The following CELF2 variants were observed in gnomAD, a reference collection of about 807,000 sequenced individuals.
CELF2 encodes the protein CUGBP Elav-like family member 2, also known as CUG triplet repeat RNA-binding protein 2.
CELF2 carries 8 observed loss-of-function variants against 62.6 expected under a neutral mutation model. The ratio of observed to expected loss-of-function variants is 0.13; its 90% CI spans 0.07 to 0.23. The LOEUF is 0.23. CELF2 is among the 10% of genes least tolerant of loss of function. The pLI, the probability that CELF2 is intolerant of heterozygous loss-of-function variation, is 1.00. For missense variants in CELF2, 333 were observed against 671.0 expected (o/e 0.50, Z 5.56); for synonymous variants, 258 against 250.0 (o/e 1.03, Z -0.30).
chr10:11,154,032 A>G (rs1260820817), intron 1 of CELF2, among the ~76,000 whole-genome samples: 1 of 152,196 alleles, frequency 6.6e-6, no homozygotes, highest in Admixed American at 6.5e-5. Context: ...AGATATATAA[A>G]CACATGATCA....
At chr10:10,721,758 C>T in the CELF2 span, among the ~76,000 whole-genome samples, 3 of 152,120 alleles carry the variant, frequency 2.0e-5, no homozygotes, top group Non-Finnish European at 4.4e-5. Flanking sequence ...TCAGTTACAG[C>T]ACATTGGGGG....
intron 3 of CELF2, among the ~76,000 whole-genome samples, chr10:11,240,086 C>T (rs2073250761): frequency 1.3e-5 from 2 of 152,076 alleles, no homozygotes; most frequent in Non-Finnish European, 2.9e-5. Flanking sequence ...CTATGTTAAT[C>T]GTGATATGTA....
the CELF2 span, among the ~76,000 whole-genome samples, chr10:10,718,468 AC>A: frequency 2.0e-5 from 3 of 151,970 alleles, no homozygotes; most frequent in African/African-American, 7.3e-5. Context: ...TACTAAAAAT[AC>A]AAAAATTAGC....
rs541879676 is a variant in CELF2 at position 11,318,937 on chromosome 10, T to C, written c.1097-2252T>C. 1 of 471,092 alleles carries C rather than the reference T, an allele frequency of 2.1e-6. No individual in the cohort carries two copies. The highest frequency in any genetic ancestry group is 4.4e-6 in the Non-Finnish European group (1 of 227,038). The allele number at this position is 471,092 out of a possible 1,614,324, so 29.2% of individuals were successfully genotyped here. On this transcript the variant is annotated intron_variant, in intron 10 of 12. Transcript: ENST00000633077. The surrounding 1 kb of genome is among the most constrained non-coding windows in gnomAD (Gnocchi z 5.4). ...ACTCCCACCCGCAGCAGACAAGGCA[T>C]CATGGTGGTGCGATGCTGCCCACCC...
intron 2 of CELF2, among the ~76,000 whole-genome samples, chr10:11,216,073 C>T (rs2063291044): frequency 1.3e-5 from 2 of 152,208 alleles, no homozygotes; most frequent in Non-Finnish European, 2.9e-5. Flanking sequence ...CAGTTCCCTT[C>T]ATTCAAGTGA....
intron 2 of CELF2, among the ~76,000 whole-genome samples, chr10:10,985,962 A>C (rs1453333678): frequency 6.6e-6 from 1 of 152,212 alleles, no homozygotes; most frequent in African/African-American, 2.4e-5. Context: ...AGGAAATTTG[A>C]AGACCTACTG....
Position 11,207,071 on chromosome 10 carries a change from A to G in CELF2, c.272-10354A>G, listed in dbSNP as rs2060602548. On this transcript the variant is annotated intron_variant, in intron 2 of 12. Coordinates refer to ENST00000633077, the MANE Select transcript of CELF2 (RefSeq NM_001326342.2). The surrounding 1 kb of genome is among the most constrained non-coding windows in gnomAD (Gnocchi z 4.1). ...GTGTCTTATTTCAAAGAACCAGAGAAGGGGAAAAGCACATTCCAGCAATTT... is the reference window on the plus strand; with the variant it reads ...GTGTCTTATTTCAAAGAACCAGAGAGGGGGAAAAGCACATTCCAGCAATTT... Among the ~76,000 whole-genome samples the G allele has an allele frequency of 6.6e-6, 1 of 152,256 alleles. No homozygotes were observed. Among genetic ancestry groups the G allele is most frequent in the Non-Finnish European group, 1.5e-5 (1 of 68,038 alleles).
chr10:11,130,421 C>T (rs1030908446), intron 1 of CELF2, among the ~76,000 whole-genome samples: 9 of 152,172 alleles, frequency 5.9e-5, no homozygotes, highest in African/African-American at 1.2e-4. Context: ...TCCTTGCACC[C>T]CAGGATGGAA....
the CELF2 span, among the ~76,000 whole-genome samples, chr10:10,484,815 G>A: frequency 1.1e-4 from 16 of 152,174 alleles, no homozygotes; most frequent in African/African-American, 3.9e-4. Flanking sequence ...TTCTTAATTA[G>A]CACAACTAAT....
intron 1 of CELF2, among the ~76,000 whole-genome samples, chr10:11,149,905 G>T (rs1377001643): frequency 6.6e-6 from 1 of 152,164 alleles, no homozygotes; most frequent in Admixed American, 6.5e-5. Context: ...AAACCCTAAT[G>T]TCTTTCCCCT....
chr10:10,850,035 C>T (rs2059285636), intron 1 of CELF2, among the ~76,000 whole-genome samples: 3 of 152,086 alleles, frequency 2.0e-5, no homozygotes, highest in South Asian at 4.2e-4. Flanking sequence ...GTAATCCCAG[C>T]TACTTGGGAG....
chr10:10,489,217 A>G, the CELF2 span, among the ~76,000 whole-genome samples: 1 of 152,076 alleles, frequency 6.6e-6, no homozygotes, highest in East Asian at 1.9e-4. Context: ...TAATGACTCA[A>G]CCTAACAAAA....
In CELF2 at chr10:11,319,733, C is replaced by T; in HGVS notation, c.1097-1456C>T. 2.1e-6 allele frequency: 1 copy of T among 469,718 alleles called. No individual in the cohort carries two copies. The allele number at this position is 469,718 out of a possible 1,614,324, so 29.1% of individuals were successfully genotyped here. A position where few individuals can be genotyped will look rare whatever the true frequency, so the allele number is the denominator to read the frequency against. On this transcript the variant is annotated intron_variant, in intron 10 of 12. Transcript: ENST00000633077. This position sits in a 1 kb window ranked among gnomAD's most constrained non-coding sequence, Gnocchi z 4.4. The stretch of plus-strand genomic sequence containing the variant: ...GTCTGTTCTGAGAAGCACAGGAATA[C>T]CCGAGGTGAGGCACAATGACAGTCC...
rs1243562526 is a variant in CELF2 at position 11,242,677 on chromosome 10, C to A, written c.355-6476C>A. 1.3e-5 allele frequency among the ~76,000 whole-genome samples: 2 copies of A among 152,156 alleles called. No individual in the cohort carries two copies. Among genetic ancestry groups the A allele is most frequent in the Admixed American group, 1.3e-4 (2 of 15,272 alleles). ...TCATTTTCATGAGTCACAGCTGGGGCCTTGTGGGAAGAATCGAAGGTCAGC... is the reference window on the plus strand; with the variant it reads ...TCATTTTCATGAGTCACAGCTGGGGACTTGTGGGAAGAATCGAAGGTCAGC... On this transcript the variant is annotated intron_variant, in intron 3 of 12. Coordinates refer to ENST00000633077, the MANE Select transcript of CELF2 (RefSeq NM_001326342.2). The surrounding 1 kb of genome is among the most constrained non-coding windows in gnomAD (Gnocchi z 4.8).
intron 7 of CELF2, 109 bp from the exon 8 acceptor site, chr10:11,274,948 G>A: frequency 1.9e-6 from 2 of 1,034,396 alleles, no homozygotes; most frequent in Non-Finnish European, 3.0e-6. Flanking sequence ...TCAGTAGGGA[G>A]TAGCAACCAA....
At chr10:10,856,742 T>C (rs1000578998) in intron 1 of CELF2, among the ~76,000 whole-genome samples, 3 of 152,228 alleles carry the variant, frequency 2.0e-5, no homozygotes, top group Non-Finnish European at 2.9e-5. Context: ...ATATCATTTT[T>C]CATAAGCATC....
chr10:10,469,205 C>T, the CELF2 span, among the ~76,000 whole-genome samples: 27 of 151,960 alleles, frequency 1.8e-4, no homozygotes, highest in African/African-American at 5.1e-4. Context: ...TCCATGTTAT[C>T]GTGCATATTT....
the CELF2 span, among the ~76,000 whole-genome samples, chr10:10,625,293 A>C: frequency 6.6e-6 from 1 of 152,230 alleles, no homozygotes; most frequent in Non-Finnish European, 1.5e-5. Flanking sequence ...TACAGCAATA[A>C]TAACCACAAG....
intron 2 of CELF2, among the ~76,000 whole-genome samples, chr10:10,986,484 G>A (rs2052764657): frequency 6.6e-6 from 1 of 152,092 alleles, no homozygotes; most frequent in South Asian, 2.1e-4. Context: ...TGTGATAGGT[G>A]TTTTTTAAGT....
Sources: allele counts gnomAD v4.1 joint callset (sites outside exome capture counted in the v4.1 genomes callset), GRCh38; gene constraint gnomAD v4.1.1; non-coding constraint Gnocchi (gnomAD v3.1); transcripts MANE v1.5; gene names NCBI Gene and HGNC (gene_info 2026-07-23, HGNC 2026-07-21).